Variants in FRMD6 observed in about 807,000 individuals in gnomAD.
FRMD6 encodes the protein FERM domain containing 6.
Under a neutral mutation model 73.2 loss-of-function variants are expected in FRMD6, and 37 were observed. The observed-to-expected ratio is 0.51, with a 90% CI of 0.39 to 0.66. FRMD6 has a LOEUF of 0.66. Ranked by LOEUF, FRMD6 falls within the 30% of genes least tolerant of loss-of-function variation. The pLI, the probability that FRMD6 is intolerant of heterozygous loss-of-function variation, is 0.00. For synonymous variants in FRMD6, 273 were observed against 282.2 expected, an observed-to-expected ratio of 0.97 and a Z score of 0.33; for missense variants, 714 against 780.5, an observed-to-expected ratio of 0.91 and a Z score of 1.02.
chr14:51,448,514 A>C, the FRMD6 span, among the ~76,000 whole-genome samples: 7 of 152,230 alleles, frequency 4.6e-5, no homozygotes, highest in African/African-American at 1.7e-4. Context: ...GGCATGTCTG[A>C]GAAGCAATTG....
chr14:51,710,182 CTT>C (rs1249129579), intron 7 of FRMD6, among the ~76,000 whole-genome samples: 3 of 152,096 alleles, frequency 2.0e-5, no homozygotes, highest in Non-Finnish European at 4.4e-5. Context: ...GAAAATGACT[CTT>C]ATCTGCTAAA....
At chr14:51,581,244 C>A (rs972705483) in intron 2 of FRMD6, among the ~76,000 whole-genome samples, 1 of 152,138 alleles carries the variant, frequency 6.6e-6, no homozygotes, top group Non-Finnish European at 1.5e-5. Flanking sequence ...AGTCTCTCCC[C>A]CATCTTTCTT....
At chr14:51,562,347 G>A (rs1440670870) in intron 1 of FRMD6, among the ~76,000 whole-genome samples, 1 of 152,186 alleles carries the variant, frequency 6.6e-6, no homozygotes, top group East Asian at 1.9e-4. Flanking sequence ...AGGAGGTCAT[G>A]CATGGTAGCA....
At chr14:51,405,202 A>G in the FRMD6 span, among the ~76,000 whole-genome samples, 55 of 152,016 alleles carry the variant, frequency 3.6e-4, no homozygotes, top group Non-Finnish European at 7.5e-4. Context: ...TTGATTCCAT[A>G]TCTTTGCTTT....
the FRMD6 span, among the ~76,000 whole-genome samples, chr14:51,411,593 A>G: frequency 6.6e-6 from 1 of 152,214 alleles, no homozygotes; most frequent in Admixed American, 6.5e-5. Flanking sequence ...AACTCCACTT[A>G]TCATTACAAT....
the FRMD6 span, among the ~76,000 whole-genome samples, chr14:51,444,511 T>A: frequency 6.6e-6 from 1 of 152,222 alleles, no homozygotes; most frequent in Non-Finnish European, 1.5e-5. Context: ...TTGTTAGCAA[T>A]GTGTGTGTTC....
At chr14:51,434,226 A>T in the FRMD6 span, among the ~76,000 whole-genome samples, 1 of 152,172 alleles carries the variant, frequency 6.6e-6, no homozygotes, top group African/African-American at 2.4e-5. Flanking sequence ...TACATATGTA[A>T]TATACAGACA....
In FRMD6 at chr14:51,708,193, G is replaced by T; in HGVS notation, c.674G>T (p.Arg225Leu). 7 of 1,613,158 alleles carry T rather than the reference G, an allele frequency of 4.3e-6. No homozygotes were observed. Among genetic ancestry groups the T allele is most frequent in the South Asian group, 1.1e-5 (1 of 91,024 alleles). ...CTTAAATATATCAAAGAGGCTGTCC[G>T]ACTGGATGACGTCGCTGTTCATTAC... is the stretch of plus-strand genomic sequence containing the variant. ...AHLKYIKEAV[R>L]LDDVAVHYYR... The change falls in exon 7 of 14, where the codon CGA becomes CTA. Residue 225 changes from arginine (R) to leucine (L), a missense_variant. Transcript: ENST00000344768.
At chr14:51,478,084 A>T in the FRMD6 span, among the ~76,000 whole-genome samples, 1 of 152,126 alleles carries the variant, frequency 6.6e-6, no homozygotes, top group Non-Finnish European at 1.5e-5. Context: ...TCTTTCCCCC[A>T]ACTAAAAAAA....
At chr14:51,646,024 A>C (rs17092966) in intron 2 of FRMD6, among the ~76,000 whole-genome samples, 9,416 of 152,062 alleles carry the variant, frequency 0.062, 381 homozygotes, top group South Asian at 0.12. Flanking sequence ...GATATCACAA[A>C]ACACTGAAGA....
chr14:51,647,109 T>C (rs575562349), upstream of FRMD6, among the ~76,000 whole-genome samples: 2 of 152,322 alleles, frequency 1.3e-5, no homozygotes, highest in African/African-American at 2.4e-5. Flanking sequence ...CTGTAAACCA[T>C]ATTAAAATGA....
chr14:51,512,582 CCTCCTTCTG>C (rs1884375205), intron 1 of FRMD6, among the ~76,000 whole-genome samples: 2 of 152,162 alleles, frequency 1.3e-5, no homozygotes, highest in South Asian at 4.1e-4. Context: ...GAAGTCACAA[CCTCCTTCTG>C]ATAGCTGATG....
chr14:51,400,470 A>G, the FRMD6 span, among the ~76,000 whole-genome samples: 1 of 152,070 alleles, frequency 6.6e-6, no homozygotes, highest in Non-Finnish European at 1.5e-5. Context: ...TTCTCCCCTA[A>G]TATTTTACTC....
chr14:51,465,443 T>A, the FRMD6 span, among the ~76,000 whole-genome samples: 1 of 151,916 alleles, frequency 6.6e-6, no homozygotes, highest in Non-Finnish European at 1.5e-5. Context: ...CCAACCTCCC[T>A]CCCCCCGCCA....
intron 2 of FRMD6, among the ~76,000 whole-genome samples, chr14:51,584,575 T>C (rs1888915341): frequency 1.3e-5 from 2 of 152,204 alleles, no homozygotes; most frequent in Non-Finnish European, 2.9e-5. Context: ...GTATGGAACC[T>C]TGTGTAACAT....
intron 1 of FRMD6, among the ~76,000 whole-genome samples, chr14:51,686,217 T>C (rs942195929): frequency 6.6e-6 from 1 of 152,136 alleles, no homozygotes; most frequent in Non-Finnish European, 1.5e-5. Context: ...AAAGGTGGTA[T>C]AGAGAGTTTC....
intron 12 of FRMD6, among the ~76,000 whole-genome samples, chr14:51,723,572 G>A (rs1053988363): frequency 1.3e-5 from 2 of 152,008 alleles, no homozygotes; most frequent in Non-Finnish European, 2.9e-5. Flanking sequence ...CCTGAGGTCA[G>A]GAGTTGGAGA....
At chr14:51,571,730 T>C (rs1888147589) in intron 2 of FRMD6, among the ~76,000 whole-genome samples, 2 of 152,184 alleles carry the variant, frequency 1.3e-5, no homozygotes, top group Admixed American at 1.3e-4. Context: ...TCCTCATTTA[T>C]ATAATGAAGA....
chr14:51,535,771 A>G (rs527973196), intron 1 of FRMD6, among the ~76,000 whole-genome samples: 9 of 152,236 alleles, frequency 5.9e-5, no homozygotes, highest in Middle Eastern at 3.4e-3. Context: ...AACACTGACA[A>G]ACTTTCCCAA....
Sources: allele counts gnomAD v4.1 joint callset (sites outside exome capture counted in the v4.1 genomes callset), GRCh38; gene constraint gnomAD v4.1.1; transcripts MANE v1.5; gene names NCBI Gene and HGNC (gene_info 2026-07-23, HGNC 2026-07-21).